Variants in FBXL7 observed in about 807,000 individuals in gnomAD.
FBXL7 encodes the protein F-box/LRR-repeat protein 7.
In FBXL7, 12 loss-of-function variants were observed where a neutral mutation model predicts 38.3. The ratio of observed to expected loss-of-function variants is 0.31; its 90% CI spans 0.20 to 0.51. FBXL7 has a LOEUF of 0.51. Ranked by LOEUF, FBXL7 falls within the 20% of genes least tolerant of loss-of-function variation. The pLI is 0.98. For missense variants in FBXL7, 567 were observed against 676.4 expected (o/e 0.84, Z 1.79); for synonymous variants, 297 against 300.9 (o/e 0.99, Z 0.13).
intron 2 of FBXL7, among the ~76,000 whole-genome samples, chr5:15,894,734 A>G (rs985909520): frequency 6.6e-6 from 1 of 152,218 alleles, no homozygotes; most frequent in African/African-American, 2.4e-5. Context: ...GTAGAGTTTT[A>G]CTGTTATTAA....
intron 2 of FBXL7, among the ~76,000 whole-genome samples, chr5:15,859,319 A>G (rs964521082): frequency 1.3e-5 from 2 of 152,124 alleles, no homozygotes; most frequent in Non-Finnish European, 2.9e-5. Flanking sequence ...GAGATCCTCA[A>G]CCTAGGGTGA....
intron 2 of FBXL7, among the ~76,000 whole-genome samples, chr5:15,764,572 A>AC (rs1457241458): frequency 6.6e-6 from 1 of 152,192 alleles, no homozygotes; most frequent in Non-Finnish European, 1.5e-5. Context: ...AGAAACTCCG[A>AC]GGGGGGCTTA....
At chr5:15,635,572 G>C (rs1335578680) in intron 2 of FBXL7, among the ~76,000 whole-genome samples, 1 of 152,194 alleles carries the variant, frequency 6.6e-6, no homozygotes, top group Non-Finnish European at 1.5e-5. Context: ...GAGTGGATGG[G>C]TGGGGCAGGA....
intron 2 of FBXL7, among the ~76,000 whole-genome samples, chr5:15,734,730 C>T (rs1735702390): frequency 6.6e-6 from 1 of 152,094 alleles, no homozygotes; most frequent in Admixed American, 6.6e-5. Context: ...TCAGGTAGTT[C>T]AGAAAAGGAA....
intron 1 of FBXL7, among the ~76,000 whole-genome samples, chr5:15,562,752 T>C (rs146087148): frequency 1.3e-5 from 2 of 152,170 alleles, no homozygotes; most frequent in African/African-American, 2.4e-5. Flanking sequence ...CTTTCACACA[T>C]ATTTATTGCA....
At chr5:15,555,957 A>G (rs558420714) in intron 1 of FBXL7, among the ~76,000 whole-genome samples, 2 of 148,944 alleles carry the variant, frequency 1.3e-5, no homozygotes, top group African/African-American at 4.9e-5. Context: ...TCTGTCATCT[A>G]TCTGTCATCT....
intron 2 of FBXL7, among the ~76,000 whole-genome samples, chr5:15,839,897 A>C (rs1252679024): frequency 6.6e-6 from 1 of 152,202 alleles, no homozygotes; most frequent in Non-Finnish European, 1.5e-5. Context: ...GCTTAATAAA[A>C]GAAGAAAAAT....
At chr5:15,522,013 A>T (rs546380565) in intron 1 of FBXL7, among the ~76,000 whole-genome samples, 42 of 152,324 alleles carry the variant, frequency 2.8e-4, no homozygotes, top group Non-Finnish European at 4.9e-4. Flanking sequence ...ATTTGTTAAG[A>T]TTTATGAATA....
At chr5:15,890,439 C>T (rs1002672060) in intron 2 of FBXL7, among the ~76,000 whole-genome samples, 1 of 152,034 alleles carries the variant, frequency 6.6e-6, no homozygotes, top group Non-Finnish European at 1.5e-5. Context: ...CGGGGTTTCT[C>T]CATGTTGGTC....
At chr5:15,833,916 C>T (rs927441668) in intron 2 of FBXL7, among the ~76,000 whole-genome samples, 33 of 152,120 alleles carry the variant, frequency 2.2e-4, no homozygotes, top group African/African-American at 7.7e-4. Context: ...ATTTAAGTAA[C>T]AATTTTATAT....
In FBXL7 at chr5:15,577,640, A is replaced by G. The variant is rs575871506; in HGVS notation, c.38-38343A>G. ...TGTGTGTGTGTGTGTGTGTGTGTCT[A>G]TTTATAGATTAAGGAGGCCTTGAGG... On this transcript the variant is annotated intron_variant, in intron 1 of 3. Transcript: ENST00000504595. Among the ~76,000 whole-genome samples the G allele has an allele frequency of 1.3e-3, 184 of 146,844 alleles. 1 individual carries two copies. The highest frequency in any genetic ancestry group is 4.4e-3 in the African/African-American group (175 of 39,516).
At chr5:15,565,572 C>A (rs1160644697) in intron 1 of FBXL7, among the ~76,000 whole-genome samples, 1 of 151,426 alleles carries the variant, frequency 6.6e-6, no homozygotes, top group African/African-American at 2.4e-5. Context: ...GTGCCAACTT[C>A]TTACAATAAA....
chr5:15,807,482 T>C (rs1444811301), intron 2 of FBXL7, among the ~76,000 whole-genome samples: 1 of 152,154 alleles, frequency 6.6e-6, no homozygotes, highest in African/African-American at 2.4e-5. Flanking sequence ...CCATCCCCGC[T>C]GGCTGGAGAG....
chr5:15,797,465 G>A lies in FBXL7; in HGVS notation c.128-130425G>A, dbSNP rs557800179. 1.1e-4 allele frequency among the ~76,000 whole-genome samples: 16 copies of A among 152,338 alleles called. No homozygotes were observed. The South Asian group carries it at 2.9e-3, about 28-fold the overall frequency. On this transcript the variant is annotated intron_variant, in intron 2 of 3. Transcript: ENST00000504595. ...AAGAAGGTACTGCTTTCTGAGACCA[G>A]TTAGCAATAGGATCTCCCATCTTCT...
intron 2 of FBXL7, among the ~76,000 whole-genome samples, chr5:15,678,543 C>G (rs142880852): frequency 6.6e-6 from 1 of 152,128 alleles, no homozygotes; most frequent in Admixed American, 6.5e-5. Flanking sequence ...TTTCTTTGAT[C>G]GCATGATCTT....
In FBXL7 at chr5:15,903,893, T is replaced by C. The variant is rs12653771; in HGVS notation, c.128-23997T>C. Among the ~76,000 whole-genome samples, 1,467 of 152,310 alleles carry C rather than the reference T, an allele frequency of 9.6e-3. 25 individuals are homozygous for C. Among genetic ancestry groups the C allele is most frequent in the East Asian group, 0.074 (385 of 5,182 alleles). On this transcript the variant is annotated intron_variant, in intron 2 of 3. Transcript: ENST00000504595. ...CCTTTCACAATATAAAAATCAGAAT[T>C]GTAGTTAATGGCTTTCTTTTTATGT...
intron 2 of FBXL7, among the ~76,000 whole-genome samples, chr5:15,873,125 AC>A (rs1740039929): frequency 6.6e-6 from 1 of 152,176 alleles, no homozygotes; most frequent in Non-Finnish European, 1.5e-5. Flanking sequence ...GGATTAAGAA[AC>A]TCACTCAAAA....
At chr5:15,520,831 A>G (rs1044951041) in intron 1 of FBXL7, among the ~76,000 whole-genome samples, 5 of 152,194 alleles carry the variant, frequency 3.3e-5, no homozygotes, top group African/African-American at 1.2e-4. Context: ...TTAAAGTGTC[A>G]TTTGTTTCTT....
At chr5:15,575,979 T>G (rs541042671) in intron 1 of FBXL7, among the ~76,000 whole-genome samples, 1 of 152,028 alleles carries the variant, frequency 6.6e-6, no homozygotes, top group African/African-American at 2.4e-5. Flanking sequence ...CTGCACTGTG[T>G]TTTTTTGTGT....
Sources: gnomAD v4.1 joint callset for allele counts (sites outside exome capture counted in the v4.1 genomes callset) on GRCh38, gnomAD v4.1.1 for gene constraint, MANE v1.5 for transcripts, NCBI Gene and HGNC (gene_info 2026-07-23, HGNC 2026-07-21) for gene names.